PHKA1: variants seen among roughly 807,000 people sequenced by gnomAD.
PHKA1 encodes the protein phosphorylase b kinase regulatory subunit alpha, skeletal muscle isoform.
A neutral mutation model predicts 110.2 loss-of-function variants in PHKA1; 60 were observed. The observed-to-expected ratio is 0.54, with a 90% confidence interval of 0.44 to 0.68. The LOEUF (loss-of-function observed/expected upper bound fraction) is 0.68, where lower values mean the gene tolerates loss of function less well. PHKA1 is among the 30% of genes least tolerant of loss of function. PHKA1 has a pLI of 0.00. For synonymous variants in PHKA1, 316 were observed against 333.6 expected (o/e 0.95, Z 0.58); for missense variants, 801 against 942.5 (o/e 0.85, Z 1.97).
intron 16 of PHKA1, among the ~76,000 whole-genome samples, chrX:72,632,246 GAAGT>G (rs1277320350): frequency 4.5e-5 from 5 of 111,636 alleles, no homozygotes; most frequent in African/African-American, 1.6e-4. Flanking sequence ...CATTCTGATA[GAAGT>G]ATGTTGTTGT....
At chrX:72,589,781 A>C (rs1556221518) in intron 29 of PHKA1, among the ~76,000 whole-genome samples, 2 of 104,173 alleles carry the variant, frequency 1.9e-5, no homozygotes, top group Admixed American at 1.2e-4. Context: ...CTATATACTA[A>C]TAATAAACAG....
chrX:72,648,000 G>C (rs1287041678), intron 13 of PHKA1, among the ~76,000 whole-genome samples: 2 of 111,664 alleles, frequency 1.8e-5, no homozygotes, highest in Non-Finnish European at 3.8e-5. Context: ...GCAATACAAA[G>C]GTCACTGGTA....
intron 8 of PHKA1, among the ~76,000 whole-genome samples, chrX:72,664,934 G>T (rs1308310626): frequency 2.7e-5 from 3 of 110,596 alleles, no homozygotes; most frequent in East Asian, 5.6e-4. Context: ...TAAGAAGGAA[G>T]TTTATGGCAA....
intron 28 of PHKA1, among the ~76,000 whole-genome samples, chrX:72,595,369 C>T (rs2052576089): frequency 9.0e-6 from 1 of 110,898 alleles, no homozygotes; most frequent in South Asian, 3.9e-4. Flanking sequence ...CTGAAGGCTT[C>T]CCCCCGAAGA....
At chrX:72,590,140 A>C (rs1245510095) in intron 29 of PHKA1, among the ~76,000 whole-genome samples, 1 of 111,893 alleles carries the variant, frequency 8.9e-6, no homozygotes, top group African/African-American at 3.3e-5. Flanking sequence ...AAAAAGAAGA[A>C]AGCTGGAGGC....
chrX:72,692,359 A>T (rs1466560431), intron 4 of PHKA1, among the ~76,000 whole-genome samples: 3 of 111,947 alleles, frequency 2.7e-5, no homozygotes, highest in African/African-American at 9.7e-5. Context: ...ATGGCTTCAC[A>T]GAATGAGGTT....
chrX:72,620,760 G>A lies in PHKA1; in HGVS notation c.2102C>T (p.Ser701Phe), dbSNP rs868926138. ...AAVQTTCDLM[S>F]LVTKAKELHV... ...CAGTTCCTTGGCCTTGGTCACCAAG[G>A]ACATTAAGTCGCAGGTTGTTTGCAC... is the stretch of plus-strand genomic sequence containing the variant. The change falls in exon 19 of 32, where the codon TCC becomes TTC. Residue 701 changes from serine (S) to phenylalanine (F), a missense_variant. By Grantham distance (155) the Ser-to-Phe change is radical. Transcript: ENST00000373542. The A allele has an allele frequency of 8.3e-7, 1 of 1,210,162 alleles. No individual in the cohort carries two copies. The highest frequency in any genetic ancestry group is 1.8e-5 in the South Asian group (1 of 56,883).
intron 29 of PHKA1, among the ~76,000 whole-genome samples, chrX:72,584,613 G>A (rs1170026506): frequency 9.0e-6 from 1 of 111,500 alleles, no homozygotes; most frequent in African/African-American, 3.3e-5. Flanking sequence ...TATCTGGAAA[G>A]ATATCATACT....
At chrX:72,597,626 G>A (rs2052607877) in intron 28 of PHKA1, among the ~76,000 whole-genome samples, 1 of 111,869 alleles carries the variant, frequency 8.9e-6, no homozygotes, top group Non-Finnish European at 1.9e-5. Flanking sequence ...AGGGTAAATG[G>A]GGTATCCATT....
chrX:72,713,664 T>G (rs2054416655), intron 1 of PHKA1, 139 bp downstream of exon 1: 1 of 436,720 alleles, frequency 2.3e-6, no homozygotes, highest in Admixed American at 3.2e-5. Flanking sequence ...TCATGCAAGG[T>G]CTCCGTCACA....
intron 2 of PHKA1, among the ~76,000 whole-genome samples, chrX:72,711,068 A>G (rs2054373467): frequency 9.3e-6 from 1 of 107,598 alleles, no homozygotes. Flanking sequence ...TCACCGTGTT[A>G]GCCAGGATGG....
At chrX:72,674,563 A>G (rs1476535711) in intron 6 of PHKA1, among the ~76,000 whole-genome samples, 2 of 111,834 alleles carry the variant, frequency 1.8e-5, no homozygotes, top group African/African-American at 3.3e-5. Flanking sequence ...GCCAGTGATG[A>G]TGAGCATTTT....
chrX:72,639,464 A>G (rs1322166437), intron 14 of PHKA1, among the ~76,000 whole-genome samples: 10 of 111,450 alleles, frequency 9.0e-5, no homozygotes, highest in African/African-American at 3.3e-4. Flanking sequence ...TGAACCTGGG[A>G]GGCGGTGGTT....
At chrX:72,643,297 CTGGGTTTGTAAG>C (rs2053320645) in intron 14 of PHKA1, among the ~76,000 whole-genome samples, 1 of 111,426 alleles carries the variant, frequency 9.0e-6, no homozygotes, top group Non-Finnish European at 1.9e-5. Context: ...AAACTAACTT[CTGGGTTTGTAAG>C]TGGCAATCCA....
intron 14 of PHKA1, among the ~76,000 whole-genome samples, chrX:72,638,911 A>G (rs1302339457): frequency 8.9e-6 from 1 of 111,864 alleles, no homozygotes; most frequent in Non-Finnish European, 1.9e-5. Flanking sequence ...CACAGAGAAT[A>G]GTGAGTTTAT....
intron 16 of PHKA1, among the ~76,000 whole-genome samples, chrX:72,633,186 A>G (rs948255925): frequency 1.8e-5 from 2 of 111,601 alleles, no homozygotes; most frequent in African/African-American, 3.3e-5. Flanking sequence ...GTGCCCCCAA[A>G]TTCGTTTGTT....
At chrX:72,672,741 G>T (rs1439865198) in intron 6 of PHKA1, among the ~76,000 whole-genome samples, 1 of 111,700 alleles carries the variant, frequency 9.0e-6, no homozygotes, top group Non-Finnish European at 1.9e-5. Context: ...AATTTACAGT[G>T]GAGAAACCTG....
At chrX:72,619,940 A>G (rs1475202321) in intron 19 of PHKA1, among the ~76,000 whole-genome samples, 1 of 112,184 alleles carries the variant, frequency 8.9e-6, no homozygotes, top group East Asian at 2.8e-4. Context: ...TTTCTGGTTC[A>G]CAATTGAGAA....
intron 28 of PHKA1, among the ~76,000 whole-genome samples, chrX:72,601,286 C>T (rs945801184): frequency 3.6e-5 from 4 of 111,723 alleles, no homozygotes; most frequent in African/African-American, 1.3e-4. Flanking sequence ...GTAAGGAAGA[C>T]TTTATTCAGG....
Sources: allele counts gnomAD v4.1 joint callset (sites outside exome capture counted in the v4.1 genomes callset), GRCh38; gene constraint gnomAD v4.1.1; transcripts MANE v1.5; gene names NCBI Gene and HGNC (gene_info 2026-07-23, HGNC 2026-07-21).